Variants in SLC8A3 observed in about 807,000 individuals in gnomAD.
The protein encoded by SLC8A3 is solute carrier family 8 member A3, also known as sodium/calcium exchanger 3.
A neutral mutation model predicts 65.4 loss-of-function variants in SLC8A3; 37 were observed. The ratio of observed to expected loss-of-function variants is 0.57; its 90% CI spans 0.44 to 0.74. The LOEUF (loss-of-function observed/expected upper bound fraction) is 0.74, where lower values mean the gene tolerates loss of function less well. Among genes scored for constraint, SLC8A3 ranks in the 30% least tolerant of loss-of-function variants. The probability of loss-of-function intolerance (pLI) is 0.00; values close to 1 mark genes in which losing one functional copy is unlikely to be tolerated. For missense variants in SLC8A3, 1,112 were observed against 1,172.1 expected, an observed-to-expected ratio of 0.95 and a Z score of 0.75; for synonymous variants, 461 against 444.5, an observed-to-expected ratio of 1.04 and a Z score of -0.47.
rs371967625 is a variant in SLC8A3 at position 70,048,867 on chromosome 14, G to A, written c.2289C>T (p.Thr763=). 4.0e-5 allele frequency: 65 copies of A among 1,614,030 alleles called. No homozygotes were observed. The highest frequency in any genetic ancestry group is 1.6e-4 in the Middle Eastern group (1 of 6,084). ...AVSILIIGML[T]AIIGDLASHF... ...GCGAGGCCAGGTCCCCAATGATGGC[G>A]GTGAGCATGCCAATGATGAGGATGG... is the stretch of plus-strand genomic sequence containing the variant. The change falls in exon 6 of 7, where the codon ACC becomes ACT. Residue 763 remains threonine, a synonymous_variant. Coordinates refer to ENST00000356921, the MANE Select transcript of SLC8A3 (RefSeq NM_182932.3).
At chr14:70,110,835 C>A (rs765192238) in intron 2 of SLC8A3, among the ~76,000 whole-genome samples, 1 of 152,052 alleles carries the variant, frequency 6.6e-6, no homozygotes, top group Non-Finnish European at 1.5e-5. Context: ...TGCCCGCCAC[C>A]GCGCCTGGCT....
At chr14:70,056,135 T>C (rs921749829) in intron 3 of SLC8A3, among the ~76,000 whole-genome samples, 1 of 152,164 alleles carries the variant, frequency 6.6e-6, no homozygotes, top group Non-Finnish European at 1.5e-5. Context: ...TGGTCACTCA[T>C]GACTGTGTAG....
At chr14:70,102,520 C>T (rs1346873213) in intron 2 of SLC8A3, among the ~76,000 whole-genome samples, 1 of 151,800 alleles carries the variant, frequency 6.6e-6, no homozygotes, top group Non-Finnish European at 1.5e-5. Context: ...AGAAAATAAC[C>T]CCAAGATGAC....
At position 70,048,934 on chromosome 14, in the gene SLC8A3, G is replaced by A; in HGVS notation, c.2222C>T (p.Pro741Leu). ...CCAGCCGTGGCAGTACTCTGTGGGGGGCACACAGGCAAACAGCACCTTCCA... is the reference window on the plus strand; with the variant it reads ...CCAGCCGTGGCAGTACTCTGTGGGGAGCACACAGGCAAACAGCACCTTCCA... ...VFWKVLFACV[P>L]PTEYCHGWAC... The change falls in exon 6 of 7, where the codon CCC becomes CTC. Residue 741 changes from proline to leucine, a missense_variant. Pro to Leu is a moderately conservative substitution (Grantham distance 98). Coordinates refer to ENST00000356921, the MANE Select transcript of SLC8A3 (RefSeq NM_182932.3). 1 of 1,614,216 alleles carries A rather than the reference G, an allele frequency of 6.2e-7. No individual in the cohort carries two copies. The highest frequency in any genetic ancestry group is 8.5e-7 in the Non-Finnish European group (1 of 1,180,042).
At chr14:70,165,678 T>A (rs1897125075) in intron 2 of SLC8A3, among the ~76,000 whole-genome samples, 1 of 152,046 alleles carries the variant, frequency 6.6e-6, no homozygotes, top group African/African-American at 2.4e-5. Flanking sequence ...GCTATCCAAC[T>A]GGAAAAAGGA....
chr14:70,091,645 G>T (rs1015403210), intron 2 of SLC8A3, among the ~76,000 whole-genome samples: 10 of 152,256 alleles, frequency 6.6e-5, no homozygotes, highest in Admixed American at 2.0e-4. Context: ...GAAGCTTGGT[G>T]CTTTTGATCA....
chr14:70,146,527 C>T (rs1405799084), intron 2 of SLC8A3, among the ~76,000 whole-genome samples: 4 of 152,046 alleles, frequency 2.6e-5, no homozygotes, highest in Admixed American at 2.6e-4. Context: ...GCTCTTCTAT[C>T]TATTCATTTA....
chr14:70,045,650 A>T lies in SLC8A3; in HGVS notation c.*297T>A, dbSNP rs1372814841. On this transcript the variant is annotated 3_prime_UTR_variant, in exon 7 of 7. Coordinates refer to ENST00000356921, the MANE Select transcript of SLC8A3 (RefSeq NM_182932.3). ...GAATAGAAGGAGGCGAAAGGCTCTG[A>T]CCTTTGCTTTGGGTCAGGGATATGA... 2 of 293,528 alleles carry T rather than the reference A, an allele frequency of 6.8e-6. No individual in the cohort carries two copies. The highest frequency in any genetic ancestry group is 2.1e-5 in the African/African-American group (1 of 47,238). The allele number at this position is 293,528 out of a possible 1,614,324, so 18.2% of individuals were successfully genotyped here. A position where few individuals can be genotyped will look rare whatever the true frequency, so the allele number is the denominator to read the frequency against.
intron 2 of SLC8A3, among the ~76,000 whole-genome samples, chr14:70,100,597 G>A (rs1342223177): frequency 6.6e-6 from 1 of 152,206 alleles, no homozygotes; most frequent in Non-Finnish European, 1.5e-5. Context: ...ATTAATGGGA[G>A]CAAAATGATT....
At chr14:70,050,358 T>C (rs561986789) in intron 5 of SLC8A3, among the ~76,000 whole-genome samples, 41 of 152,266 alleles carry the variant, frequency 2.7e-4, no homozygotes, top group Non-Finnish European at 5.1e-4. Context: ...CAACAAAGTC[T>C]CTCAATAAAA....
At position 70,167,769 on chromosome 14, in the gene SLC8A3, A is replaced by T; in HGVS notation, c.654T>A (p.Tyr218Ter). 1 of 1,614,212 alleles carries T rather than the reference A, an allele frequency of 6.2e-7. No homozygotes were observed. ...AWSIFAYIWL[Y>*]MILAVFSPGV... Reference sequence around the variant, plus strand: ...CAGGGGAGAAGACTGCCAGAATCATATAGAGCCAGATGTAGGCAAAGATAC... The same window carrying T: ...CAGGGGAGAAGACTGCCAGAATCATTTAGAGCCAGATGTAGGCAAAGATAC... The change falls in exon 2 of 7, where the codon TAT (tyrosine) becomes TAA (stop). Residue 218 changes from tyrosine (Y) to a stop codon, truncating the protein, a stop_gained. Transcript: ENST00000356921. LOFTEE classifies it high-confidence loss of function.
chr14:70,058,754 G>A (rs528760416), intron 3 of SLC8A3, among the ~76,000 whole-genome samples: 24 of 152,280 alleles, frequency 1.6e-4, no homozygotes, highest in African/African-American at 5.8e-4. Flanking sequence ...GTGGAATAAA[G>A]GCATGTATGG....
chr14:70,186,073 G>A (rs566382425), intron 1 of SLC8A3, among the ~76,000 whole-genome samples: 6 of 152,174 alleles, frequency 3.9e-5, no homozygotes, highest in Non-Finnish European at 8.8e-5. Context: ...TGTCCTGGGA[G>A]GAAGCCAGGG....
chr14:70,063,984 G>T lies in SLC8A3; in HGVS notation c.1785-3045C>A, dbSNP rs185104795. 52 of 990,624 alleles carry T rather than the reference G, an allele frequency of 5.2e-5. No homozygotes were observed. The Admixed American group carries it at 8.8e-4, about 17-fold the overall frequency. 61.4% of individuals were successfully genotyped at this position (990,624 alleles called of 1,614,324 possible). On this transcript the variant is annotated intron_variant, in intron 2 of 6. Transcript: ENST00000356921. ...AAGGAGTAGAGTGTAGGACAAGTCA[G>T]CCAGCAGACAAAAACGGGAAGAGAA...
chr14:70,186,295 T>C (rs1444408760), intron 1 of SLC8A3, among the ~76,000 whole-genome samples: 2 of 152,204 alleles, frequency 1.3e-5, no homozygotes, highest in African/African-American at 2.4e-5. Flanking sequence ...GTGACTCTAT[T>C]AAACCTCTTT....
At chr14:70,107,937 A>G (rs943056008) in intron 2 of SLC8A3, among the ~76,000 whole-genome samples, 1 of 152,004 alleles carries the variant, frequency 6.6e-6, no homozygotes, top group East Asian at 1.9e-4. Flanking sequence ...TCTCTGATAG[A>G]TGTTTGGCAT....
chr14:70,114,777 A>G (rs757515372), intron 2 of SLC8A3, among the ~76,000 whole-genome samples: 4 of 152,150 alleles, frequency 2.6e-5, no homozygotes, highest in Admixed American at 6.5e-5. Context: ...GGAAAGCCAG[A>G]CCCCTGCTGG....
At chr14:70,173,493 TAA>T (rs1897676611) in intron 1 of SLC8A3, among the ~76,000 whole-genome samples, 2 of 151,968 alleles carry the variant, frequency 1.3e-5, no homozygotes, top group Admixed American at 1.3e-4. Context: ...CAAATTTAAT[TAA>T]AGTCACCGTT....
chr14:70,178,414 G>T (rs1193478865), intron 1 of SLC8A3, among the ~76,000 whole-genome samples: 1 of 152,200 alleles, frequency 6.6e-6, no homozygotes, highest in African/African-American at 2.4e-5. Flanking sequence ...CTAAGTGTAA[G>T]CAAAGGGTTT....
Sources: gnomAD v4.1 joint callset for allele counts (sites outside exome capture counted in the v4.1 genomes callset) on GRCh38, gnomAD v4.1.1 for gene constraint, MANE v1.5 for transcripts, NCBI Gene and HGNC (gene_info 2026-07-23, HGNC 2026-07-21) for gene names.